RBM19: variants seen among roughly 807,000 people sequenced by gnomAD.
RBM19 encodes probable RNA-binding protein 19.
A neutral mutation model predicts 116.8 loss-of-function variants in RBM19; 94 were observed. That is an observed-to-expected ratio of 0.80 (90% CI 0.68 to 0.95). RBM19 has a LOEUF of 0.95. Ranked by LOEUF, RBM19 falls within the 40% of genes least tolerant of loss-of-function variation. The pLI, the probability that RBM19 is intolerant of heterozygous loss-of-function variation, is 0.00. For synonymous variants in RBM19, 475 were observed against 494.1 expected (o/e 0.96, Z 0.51); for missense variants, 1,161 against 1,220.7 (o/e 0.95, Z 0.73).
At chr12:113,936,447 G>A (rs773341409) in intron 16 of RBM19, among the ~76,000 whole-genome samples, 7 of 152,240 alleles carry the variant, frequency 4.6e-5, no homozygotes, top group Non-Finnish European at 1.0e-4. Flanking sequence ...CACAGGCCAG[G>A]GATGTGAAAT....
downstream of RBM19, among the ~76,000 whole-genome samples, chr12:113,821,299 G>A (rs1021436421): frequency 2.6e-5 from 4 of 152,080 alleles, no homozygotes; most frequent in Admixed American, 2.6e-4. Context: ...CCAGGCCCGT[G>A]GGTCTACACC....
chr12:113,948,744 C>T (rs1871240080), intron 10 of RBM19, 89 bp downstream of exon 10: 2 of 1,347,394 alleles, frequency 1.5e-6, no homozygotes, highest in Admixed American at 4.0e-5. Context: ...GAGTCGTGTG[C>T]ACACTGGGAC....
At chr12:113,943,064 C>T (rs759821407) in intron 13 of RBM19, among the ~76,000 whole-genome samples, 10 of 152,208 alleles carry the variant, frequency 6.6e-5, no homozygotes, top group Non-Finnish European at 1.3e-4. Flanking sequence ...TGACCTTGGC[C>T]TCCATGGCTT....
At chr12:113,919,272 CT>C (rs1186830519) in intron 19 of RBM19, among the ~76,000 whole-genome samples, 1 of 152,232 alleles carries the variant, frequency 6.6e-6, no homozygotes, top group Non-Finnish European at 1.5e-5. Flanking sequence ...AGCCACAGAG[CT>C]TCTGGATTAG....
intron 21 of RBM19, among the ~76,000 whole-genome samples, chr12:113,883,836 T>G (rs1039091435): frequency 4.6e-5 from 7 of 152,182 alleles, no homozygotes; most frequent in African/African-American, 1.7e-4. Context: ...AAGACAGCTA[T>G]AAACATGAAT....
intron 21 of RBM19, among the ~76,000 whole-genome samples, chr12:113,864,367 G>A (rs760423552): frequency 3.3e-5 from 5 of 152,208 alleles, no homozygotes; most frequent in Admixed American, 6.5e-5. Flanking sequence ...CTCTTCCTCA[G>A]ATGCTCAAGA....
intron 22 of RBM19, among the ~76,000 whole-genome samples, chr12:113,853,333 C>T (rs144315342): frequency 7.5e-4 from 115 of 152,354 alleles, no homozygotes; most frequent in Middle Eastern, 3.4e-3. Context: ...CTACTGCTGG[C>T]TCCCCCCAAG....
At chr12:113,951,345 T>C (rs1049394209) in intron 8 of RBM19, among the ~76,000 whole-genome samples, 22 of 152,150 alleles carry the variant, frequency 1.4e-4, no homozygotes, top group African/African-American at 5.1e-4. Context: ...GATATGTTTC[T>C]TCCTGCTCCC....
intron 21 of RBM19, among the ~76,000 whole-genome samples, chr12:113,865,457 G>T (rs1256147203): frequency 6.6e-6 from 1 of 152,024 alleles, no homozygotes. Context: ...CTCTCATTTT[G>T]CTAGAGACTG....
At chr12:113,942,219 G>C in intron 14 of RBM19, 105 bp downstream of exon 14, 1 of 944,248 alleles carries the variant, frequency 1.1e-6, no homozygotes, top group Non-Finnish European at 1.6e-6. Flanking sequence ...ATCAGTAATA[G>C]TCCTTAGAAG....
intron 21 of RBM19, among the ~76,000 whole-genome samples, chr12:113,904,272 A>G (rs1440944167): frequency 1.3e-5 from 2 of 152,224 alleles, no homozygotes; most frequent in Non-Finnish European, 2.9e-5. Context: ...TGCTGAAGAT[A>G]GGCATGTTGT....
chr12:113,928,265 A>G (rs1869287953), intron 16 of RBM19, among the ~76,000 whole-genome samples: 1 of 152,104 alleles, frequency 6.6e-6, no homozygotes, highest in African/African-American at 2.4e-5. Context: ...CGAACCTGGG[A>G]GGCAGAGGTT....
At chr12:113,926,333 G>A (rs961570894) in intron 17 of RBM19, among the ~76,000 whole-genome samples, 4 of 152,282 alleles carry the variant, frequency 2.6e-5, no homozygotes, top group South Asian at 2.1e-4. Context: ...ACAAGTTGAT[G>A]GCGATCAGCC....
chr12:113,927,642 C>G (rs2135880450), intron 16 of RBM19, among the ~76,000 whole-genome samples: 1 of 145,490 alleles, frequency 6.9e-6, no homozygotes, highest in Admixed American at 6.8e-5. Flanking sequence ...AACTTTCAAA[C>G]TAAAATGCAA....
At chr12:113,872,151 G>A (rs532496742) in intron 21 of RBM19, among the ~76,000 whole-genome samples, 141 of 149,006 alleles carry the variant, frequency 9.5e-4, no homozygotes, top group African/African-American at 3.3e-3. Context: ...CATCGTCTGA[G>A]ATGTGGGGAG....
intron 16 of RBM19, among the ~76,000 whole-genome samples, chr12:113,927,741 C>T (rs1285044676): frequency 1.3e-5 from 2 of 152,072 alleles, no homozygotes; most frequent in Admixed American, 6.6e-5. Context: ...TACATACCAT[C>T]GAAATCCCTC....
intron 23 of RBM19, among the ~76,000 whole-genome samples, chr12:113,836,245 G>A (rs1260978639): frequency 6.6e-6 from 1 of 152,152 alleles, no homozygotes; most frequent in Non-Finnish European, 1.5e-5. Context: ...CAGTGGGCAG[G>A]GGCAGGAAGA....
chr12:113,946,288 A>G (rs1489892924), intron 12 of RBM19, 66 bp downstream of exon 12: 9 of 1,609,618 alleles, frequency 5.6e-6, no homozygotes, highest in Non-Finnish European at 8.5e-7. Context: ...GGTGGCTTAG[A>G]AAGGGCAGGG....
chr12:113,924,076 G>A (rs769322592), intron 18 of RBM19, among the ~76,000 whole-genome samples: 1 of 151,514 alleles, frequency 6.6e-6, no homozygotes, highest in Non-Finnish European at 1.5e-5. Flanking sequence ...AAGCAAGGAC[G>A]TATCCCCTGC....
Sources: gnomAD v4.1 joint callset for allele counts (sites outside exome capture counted in the v4.1 genomes callset) on GRCh38, gnomAD v4.1.1 for gene constraint, MANE v1.5 for transcripts, NCBI Gene and HGNC (gene_info 2026-07-23, HGNC 2026-07-21) for gene names.